The following TTN variants were observed in gnomAD, a reference collection of about 807,000 sequenced individuals.
The protein encoded by TTN is titin.
In TTN, 1,525 loss-of-function variants were observed where a neutral mutation model predicts 3,223.0. The ratio of observed to expected loss-of-function variants is 0.47; its 90% CI spans 0.45 to 0.49. The LOEUF (loss-of-function observed/expected upper bound fraction) is 0.49. Among genes scored for constraint, TTN ranks in the 20% least tolerant of loss-of-function variants. TTN has a pLI of 0.00. For missense variants in TTN, 40,786 were observed against 43,424.0 expected (o/e 0.94, Z 5.40); for synonymous variants, 14,094 against 15,161.0 (o/e 0.93, Z 5.17).
chr2:178,770,272 G>A lies in TTN; in HGVS notation c.8429C>T (p.Ala2810Val). 1.2e-6 allele frequency: 2 copies of A among 1,614,142 alleles called. No homozygotes were observed. Among genetic ancestry groups the A allele is most frequent in the Admixed American group, 3.3e-5 (2 of 60,022 alleles). Residue 2810 changes from alanine (A) to valine (V), a missense_variant, in exon 36 of 363, where the codon GCC (alanine) becomes GTC (valine). By Grantham distance (64) the Ala-to-Val change is moderately conservative (BLOSUM62 0). Coordinates refer to ENST00000589042, the MANE Select transcript of TTN (RefSeq NM_001267550.2). ...KPKDVTALEN[A>V]TVAFEVSVSH... is the part of the protein sequence containing the mutation. Reference sequence around the variant, plus strand: ...AACACTAACTTCAAAGGCAACAGTGGCATTTTCCAAGGCTGTCACATCCTT... The same window carrying A: ...AACACTAACTTCAAAGGCAACAGTGACATTTTCCAAGGCTGTCACATCCTT...
At chr2:178,766,913 T>C (rs941934415) in intron 40 of TTN, among the ~76,000 whole-genome samples, 11 of 152,218 alleles carry the variant, frequency 7.2e-5, no homozygotes, top group African/African-American at 2.4e-4. Context: ...ATAAGGGATA[T>C]AATGATGCTT....
chr2:178,735,966 A>G lies in TTN; in HGVS notation c.14480T>C (p.Ile4827Thr). 1 of 1,613,818 alleles carries G rather than the reference A, an allele frequency of 6.2e-7. No homozygotes were observed. Among genetic ancestry groups the G allele is most frequent in the Non-Finnish European group, 8.5e-7 (1 of 1,179,804 alleles). ...TVTGTPVIET[I>T]WQKDGAALSP... The stretch of plus-strand genomic sequence containing the variant: ...GAGTGCAGCACCATCTTTCTGCCAA[A>G]TGGTTTCTATCACAGGAGTCCCTGT... Residue 4827 changes from isoleucine (I) to threonine (T), a missense_variant, in exon 50 of 363, where the codon ATT becomes ACT. By Grantham distance (89) the Ile-to-Thr change is moderately conservative. Coordinates refer to ENST00000589042, the MANE Select transcript of TTN (RefSeq NM_001267550.2).
At chr2:178,619,474 T>C (rs1404351363) in intron 250 of TTN, 147 bp downstream of exon 250, 11 of 948,196 alleles carry the variant, frequency 1.2e-5, no homozygotes, top group African/African-American at 1.7e-5. Context: ...ACTTACTTTG[T>C]AGTGAGCAAA....
In TTN at chr2:178,701,210, A is replaced by C. The variant is rs1380239225; in HGVS notation, c.30599-7T>G. The C allele has an allele frequency of 6.2e-7, 1 of 1,602,536 alleles. No homozygotes were observed. Among genetic ancestry groups the C allele is most frequent in the East Asian group, 2.2e-5 (1 of 44,856 alleles). ...GCAACCACAGGAGGGATTTCTGAAG[A>C]AAATAAATGCCGTTAGTAACATGTT... On this transcript the variant is annotated splice_polypyrimidine_tract_variant and splice_region_variant and intron_variant, in intron 110 of 362. Transcript: ENST00000589042.
intron 13 of TTN, 24 bp from the exon 14 acceptor site, chr2:178,786,165 A>G: frequency 6.2e-7 from 1 of 1,611,642 alleles, no homozygotes. Context: ...TTCCAGAATT[A>G]ATACATAGGA....
At chr2:178,581,386 G>C (rs1213916753) in intron 316 of TTN, 113 bp downstream of exon 316, 1 of 850,468 alleles carries the variant, frequency 1.2e-6, no homozygotes, top group Non-Finnish European at 1.7e-6. Context: ...TACTCTTGGA[G>C]TTACCAGCTC....
rs1688680351 is a variant in TTN, at chr2:178,530,596, C to G, written c.106019G>C (p.Gly35340Ala). 1.2e-6 allele frequency: 2 copies of G among 1,613,884 alleles called. No individual in the cohort carries two copies. Among genetic ancestry groups the G allele is most frequent in the Non-Finnish European group, 1.7e-6 (2 of 1,179,898 alleles). ...GHFQFHYSAD[G>A]TYELKINNLT... The stretch of plus-strand genomic sequence containing the variant: ...GTTATTGATTTTGAGCTCATAGGTA[C>G]CATCTGCTGAATAATGAAACTGGAA... The change falls in exon 358 of 363, where the codon GGT becomes GCT. Residue 35340 changes from glycine to alanine, a missense_variant. By Grantham distance (60) the Gly-to-Ala change is moderately conservative. Transcript: ENST00000589042.
In TTN at chr2:178,701,252, C is replaced by T; in HGVS notation, c.30599-49G>A. On this transcript the variant is annotated intron_variant, in intron 110 of 362. Transcript: ENST00000589042. ...TAACATGTTTTAGTTTCTTATTTTG[C>T]GTAAAATATAATGAAAAGTCTCATG... is the stretch of plus-strand genomic sequence containing the variant. 5.3e-6 allele frequency: 8 copies of T among 1,514,252 alleles called. No individual in the cohort carries two copies. The South Asian group carries it at 7.2e-5, about 14-fold the overall frequency. The allele number at this position is 1,514,252 out of a possible 1,614,324, so 93.8% of individuals were successfully genotyped here.
Position 178,598,779 on chromosome 2 carries a change from T to C in TTN, c.56931A>G (p.Pro18977=), listed in dbSNP as rs1395629279. The C allele has an allele frequency of 9.9e-6, 16 of 1,613,308 alleles. No homozygotes were observed. The highest frequency in any genetic ancestry group is 4.0e-5 in the African/African-American group (3 of 74,892). Residue 18977 remains proline (P), a synonymous_variant, in exon 291 of 363, where the codon CCA becomes CCG. Transcript: ENST00000589042. Reference sequence around the variant, plus strand: ...GATCTCTAGCAGTCGCTGGGTCTGATGGCAGACTTGCTGGACCCACGCCAG... The same window carrying C: ...GATCTCTAGCAGTCGCTGGGTCTGACGGCAGACTTGCTGGACCCACGCCAG... ...NAAGVGPASL[P]SDPATARDPI...
In TTN at chr2:178,564,764, T is replaced by C. The variant is rs1170042602; in HGVS notation, c.81368A>G (p.Asn27123Ser). ...EKNSILWVKL[N>S]KTPIQDTKFK... The stretch of plus-strand genomic sequence containing the variant: ...TTTGGTGTCCTGAATGGGGGTCTTA[T>C]TTAACTTGACCCATAAAATACTGTT... Residue 27123 changes from asparagine to serine, a missense_variant, in exon 326 of 363, where the codon AAT becomes AGT. By Grantham distance (46) the Asn-to-Ser change is conservative (BLOSUM62 1). Coordinates refer to ENST00000589042, the MANE Select transcript of TTN (RefSeq NM_001267550.2). The C allele has an allele frequency of 2.5e-6, 4 of 1,612,348 alleles. No individual in the cohort carries two copies. The highest frequency in any genetic ancestry group is 3.4e-6 in the Non-Finnish European group (4 of 1,179,084).
In TTN at chr2:178,540,361, C is replaced by T; in HGVS notation, c.97805G>A (p.Gly32602Glu). 6.2e-7 allele frequency: 1 copy of T among 1,611,192 alleles called. No homozygotes were observed. Among genetic ancestry groups the T allele is most frequent in the East Asian group, 2.2e-5 (1 of 44,840 alleles). The change falls in exon 351 of 363, where the codon GGA becomes GAA. Residue 32602 changes from glycine to glutamate, a missense_variant. Coordinates refer to ENST00000589042, the MANE Select transcript of TTN (RefSeq NM_001267550.2). ...IVAMDPIAPP[G>E]KPQNPRVTDT... is the part of the protein sequence containing the mutation. ...AGTAACTCTTGGGTTTTGTGGCTTT[C>T]CTGGAGGAGCTGAGAATAAGAATAA...
rs200450022 is a variant in TTN, at chr2:178,561,869, C to T, written c.84263G>A (p.Ser28088Asn). The change falls in exon 326 of 363, where the codon AGC (serine) becomes AAC (asparagine). Residue 28088 changes from serine (S) to asparagine (N), a missense_variant. Physicochemically the swap from Ser to Asn is conservative, Grantham distance 46 (BLOSUM62 1). Transcript: ENST00000589042. ...PPEYDGGCQI[S>N]NYIVEKKETT... ...TTCTTTCTTTTCAACAATGTAATTG[C>T]TAATTTGGCAGCCACCATCATATTC... is the stretch of plus-strand genomic sequence containing the variant. 1.2e-3 allele frequency: 1,995 copies of T among 1,613,636 alleles called. 3 individuals carry two copies. Among genetic ancestry groups the T allele is most frequent in the Non-Finnish European group, 1.6e-3 (1,852 of 1,179,736 alleles).
Position 178,558,419 on chromosome 2 carries a change from G to A in TTN, c.87040C>T (p.Arg29014Ter), listed in dbSNP as rs776065839. 3.1e-6 allele frequency: 5 copies of A among 1,613,666 alleles called. No individual in the cohort carries two copies. The highest frequency in any genetic ancestry group is 3.4e-6 in the Non-Finnish European group (4 of 1,179,788). The change falls in exon 327 of 363, where the codon CGA becomes TGA. Residue 29014 changes from arginine to a stop codon, truncating the protein, a stop_gained. Coordinates refer to ENST00000589042, the MANE Select transcript of TTN (RefSeq NM_001267550.2). LOFTEE classifies it high-confidence loss of function. The stretch of plus-strand genomic sequence containing the variant: ...CCAGCTTGATTTTCAGCAAACACTC[G>A]GAAAAAGTATTCAGAATTCTCTCTC... ...GLRENSEYFF[R>*]VFAENQAGLS...
chr2:178,646,522 G>A lies in TTN; in HGVS notation c.40260C>T (p.Pro13420=), dbSNP rs968375522. The change falls in exon 216 of 363, where the codon CCC becomes CCT. Residue 13420 remains proline (P), a synonymous_variant. Coordinates refer to ENST00000589042, the MANE Select transcript of TTN (RefSeq NM_001267550.2). ...EIEKYIKPEE[P]EPEPQPEEIP... ...TTTCTTCAGGCTGTGGTTCAGGTTC[G>A]GGCTCTTCAGGTTTAATATACTTTT... The A allele has an allele frequency of 4.5e-6, 7 of 1,547,374 alleles. No individual in the cohort carries two copies. Among genetic ancestry groups the A allele is most frequent in the Admixed American group, 2.0e-5 (1 of 50,884 alleles).
At chr2:178,640,694 A>G in intron 220 of TTN, 64 bp from the exon 221 acceptor site, 1 of 1,308,684 alleles carries the variant, frequency 7.6e-7, no homozygotes, top group Non-Finnish European at 1.1e-6. Context: ...CTCATCTGAA[A>G]TATCAATTTA....
Position 178,727,733 on chromosome 2 carries a change from G to A in TTN, c.19845C>T (p.Val6615=). The A allele has an allele frequency of 6.2e-7, 1 of 1,613,396 alleles. No homozygotes were observed. ...IKWFKDDVEL[V]SGPKCFIGLE... is the part of the protein sequence containing the mutation. ...AGCCAATGAAACATTTAGGACCTGA[G>A]ACAAGTTCCACATCATCCTTAAACC... The change falls in exon 68 of 363, where the codon GTC becomes GTT. Residue 6615 remains valine, a synonymous_variant. Coordinates refer to ENST00000589042, the MANE Select transcript of TTN (RefSeq NM_001267550.2).
At chr2:178,596,817 A>G (rs866828996) in intron 294 of TTN, among the ~76,000 whole-genome samples, 1 of 152,010 alleles carries the variant, frequency 6.6e-6, no homozygotes, top group Non-Finnish European at 1.5e-5. Context: ...AAGAGCCCTG[A>G]GTGGAAAGGC....
rs1342825597 is a variant in TTN at position 178,562,975 on chromosome 2, C to G, written c.83157G>C (p.Arg27719Ser). 6.2e-7 allele frequency: 1 copy of G among 1,613,666 alleles called. No homozygotes were observed. The highest frequency in any genetic ancestry group is 8.5e-7 in the Non-Finnish European group (1 of 1,179,742). ...ATGAGCTGGTCACCTCTATCTGAGC[C>G]CTGTCAGTGAGAATGCCTTCTGCCT... is the stretch of plus-strand genomic sequence containing the variant. The part of the protein sequence containing the change: ...WEKAEGILTD[R>S]AQIEVTSSFT... The change falls in exon 326 of 363, where the codon AGG becomes AGC. Residue 27719 changes from arginine to serine, a missense_variant. Arg to Ser is a moderately radical substitution (Grantham distance 110, BLOSUM62 -1). Transcript: ENST00000589042.
rs777445188 is a variant in TTN, at chr2:178,717,379, T to G, written c.25355A>C (p.His8452Pro). Residue 8452 changes from histidine to proline, a missense_variant, in exon 88 of 363, where the codon CAT becomes CCT. Physicochemically the swap from His to Pro is moderately conservative, Grantham distance 77. Transcript: ENST00000589042. ...TAGATCAAAGAAAGGAGGCACTTCATGCTCTGAAAAGAATGAAGACCAACA... is the reference window on the plus strand; with the variant it reads ...TAGATCAAAGAAAGGAGGCACTTCAGGCTCTGAAAAGAATGAAGACCAACA... Reference protein sequence around the residue: ...SSSAKLILSEHEVPPFFDLKP... With the variant: ...SSSAKLILSEPEVPPFFDLKP... The G allele has an allele frequency of 6.2e-7, 1 of 1,604,512 alleles. No homozygotes were observed. Among genetic ancestry groups the G allele is most frequent in the South Asian group, 1.1e-5 (1 of 90,350 alleles).
Sources: gnomAD v4.1 joint callset for allele counts (sites outside exome capture counted in the v4.1 genomes callset) on GRCh38, gnomAD v4.1.1 for gene constraint, MANE v1.5 for transcripts, NCBI Gene and HGNC (gene_info 2026-07-23, HGNC 2026-07-21) for gene names.